Variants in M1AP observed in about 807,000 individuals in gnomAD.
M1AP encodes meiosis 1 associated protein.
In M1AP, 39 loss-of-function variants were observed where a neutral mutation model predicts 51.2. The observed-to-expected ratio is 0.76, with a 90% CI of 0.59 to 1.00. The LOEUF (loss-of-function observed/expected upper bound fraction) is 1.00. Among genes scored for constraint, M1AP ranks in the 50% least tolerant of loss-of-function variants. The probability of loss-of-function intolerance (pLI) is 0.00; values close to 1 mark genes in which losing one functional copy is unlikely to be tolerated. For missense variants in M1AP, 545 were observed against 641.2 expected (o/e 0.85, Z 1.62); for synonymous variants, 251 against 249.2 (o/e 1.01, Z -0.07).
rs982353376 is a variant in M1AP, at chr2:74,560,059, T to C, written c.1422+92A>G. 6.0e-5 allele frequency: 81 copies of C among 1,338,942 alleles called. No individual in the cohort carries two copies. In the African/African-American group the frequency reaches 1.2e-3, roughly 19 times the overall value. 82.9% of individuals were successfully genotyped at this position (1,338,942 alleles called of 1,614,324 possible). A position where few individuals can be genotyped will look rare whatever the true frequency, so the allele number is the denominator to read the frequency against. On this transcript the variant is annotated intron_variant, in intron 9 of 10. Transcript: ENST00000421985. ...AGGCTACTCCCTTGGATGGGGGCGG[T>C]GTTGGGATGGGGGAGGAGGGTTTTC... is the stretch of plus-strand genomic sequence containing the variant.
At chr2:74,625,804 A>G (rs1462009872) in intron 2 of M1AP, among the ~76,000 whole-genome samples, 1 of 152,202 alleles carries the variant, frequency 6.6e-6, no homozygotes, top group African/African-American at 2.4e-5. Context: ...TTCAACATGG[A>G]CACCATATGA....
intron 2 of M1AP, chr2:74,619,205 C>A: frequency 5.0e-6 from 1 of 200,678 alleles, no homozygotes; most frequent in South Asian, 7.7e-5. Context: ...GTTATGAGGT[C>A]CCTGTCTATG....
chr2:74,558,868 G>A lies in M1AP; in HGVS notation c.1441C>T (p.Gln481Ter), dbSNP rs963329697. ...APRKHPCKTG[Q>*]LQTNRARATV... ...GCTCGAGCTCGGTTGGTCTGCAACT[G>A]CCCAGTCTGCAAAGAGAGCAACCAG... The change falls in exon 11 of 11, where the codon CAG becomes TAG. Residue 481 changes from glutamine (Q) to a stop codon, truncating the protein, a stop_gained. Transcript: ENST00000421985. LOFTEE classifies it low-confidence loss of function (END_TRUNC). 2 of 1,589,098 alleles carry A rather than the reference G, an allele frequency of 1.3e-6. No homozygotes were observed. The highest frequency in any genetic ancestry group is 2.3e-5 in the East Asian group (1 of 43,584).
chr2:74,580,544 G>T (rs547816808), intron 5 of M1AP, among the ~76,000 whole-genome samples: 1 of 152,304 alleles, frequency 6.6e-6, no homozygotes, highest in African/African-American at 2.4e-5. Flanking sequence ...AAGGGTCTTG[G>T]GAAGCCTTAA....
At chr2:74,619,653 T>A (rs1008091358) in intron 2 of M1AP, among the ~76,000 whole-genome samples, 1 of 152,232 alleles carries the variant, frequency 6.6e-6, no homozygotes, top group Non-Finnish European at 1.5e-5. Context: ...GTGACTTTTT[T>A]AAAGGTATAA....
At chr2:74,648,017 C>G (rs1340784532) in intron 1 of M1AP, 1 of 985,438 alleles carries the variant, frequency 1.0e-6, no homozygotes, top group African/African-American at 1.7e-5. Flanking sequence ...CTGGGGGCCC[C>G]GCGGAGGAAG....
At chr2:74,614,042 C>T (rs1681522625) in intron 3 of M1AP, among the ~76,000 whole-genome samples, 2 of 152,176 alleles carry the variant, frequency 1.3e-5, no homozygotes, top group African/African-American at 4.8e-5. Context: ...CCTGCCTTGG[C>T]CTCTCAAAGT....
chr2:74,636,037 T>C (rs1447610731), intron 2 of M1AP, among the ~76,000 whole-genome samples: 1 of 152,114 alleles, frequency 6.6e-6, no homozygotes, highest in African/African-American at 2.4e-5. Context: ...TGATGTTCTA[T>C]AATTGTTGAG....
At chr2:74,558,989 AG>A (rs1677710122) in intron 10 of M1AP, 115 bp from the exon 11 acceptor site, 2 of 1,026,546 alleles carry the variant, frequency 1.9e-6, no homozygotes, top group Non-Finnish European at 2.7e-6. Context: ...CTGGAGTGAC[AG>A]CCTCAAGGCC....
Position 74,635,634 on chromosome 2 carries a change from G to A in M1AP, c.240+4402C>T, listed in dbSNP as rs369459334. ...TGCCATAAATTTCCTTCTCAGCACTGCTTTACCTGCATCCCACAAATTTTG... is the reference window on the plus strand; with the variant it reads ...TGCCATAAATTTCCTTCTCAGCACTACTTTACCTGCATCCCACAAATTTTG... On this transcript the variant is annotated intron_variant, in intron 2 of 10. Transcript: ENST00000421985. Among the ~76,000 whole-genome samples the A allele has an allele frequency of 1.3e-3, 195 of 152,086 alleles. 2 individuals carry two copies. The highest frequency in any genetic ancestry group is 4.5e-3 in the African/African-American group (188 of 41,516).
At chr2:74,567,527 T>C (rs920401751) in intron 7 of M1AP, among the ~76,000 whole-genome samples, 3 of 152,238 alleles carry the variant, frequency 2.0e-5, no homozygotes, top group African/African-American at 7.2e-5. Flanking sequence ...TCCTCATCTG[T>C]AAAACAGGGA....
intron 4 of M1AP, among the ~76,000 whole-genome samples, chr2:74,606,537 GTGT>G (rs200834400): frequency 0.01 from 1,555 of 152,172 alleles, 17 homozygotes; most frequent in Non-Finnish European, 0.016. Flanking sequence ...AGTTGTGTAT[GTGT>G]ATATATGTAT....
intron 2 of M1AP, among the ~76,000 whole-genome samples, chr2:74,639,405 T>G (rs1558700347): frequency 1.3e-5 from 2 of 152,172 alleles, no homozygotes; most frequent in Non-Finnish European, 2.9e-5. Context: ...TCACTATGAT[T>G]CTGAATTTTA....
intron 4 of M1AP, among the ~76,000 whole-genome samples, chr2:74,594,911 C>T (rs894354145): frequency 2.0e-5 from 3 of 152,030 alleles, no homozygotes; most frequent in Admixed American, 2.0e-4. Flanking sequence ...TTCAGATTCA[C>T]GAGGTTCAGG....
At chr2:74,559,021 C>T (rs1020507195) in intron 10 of M1AP, 147 bp from the exon 11 acceptor site, 8 of 752,382 alleles carry the variant, frequency 1.1e-5, no homozygotes, top group Non-Finnish European at 1.6e-5. Context: ...ATCTGGAGTC[C>T]CTTAAGCCCA....
intron 4 of M1AP, among the ~76,000 whole-genome samples, chr2:74,600,898 TA>T (rs535940638): frequency 8.2e-4 from 125 of 152,282 alleles, no homozygotes; most frequent in African/African-American, 2.8e-3. Flanking sequence ...ATATTCTTAA[TA>T]AATACGAATT....
intron 1 of M1AP, among the ~76,000 whole-genome samples, chr2:74,647,663 G>A (rs1368933277): frequency 6.6e-6 from 1 of 152,182 alleles, no homozygotes; most frequent in Non-Finnish European, 1.5e-5. Flanking sequence ...GGAGGCCGAG[G>A]CGGGCGGATC....
At chr2:74,635,266 T>C (rs894791638) in intron 2 of M1AP, among the ~76,000 whole-genome samples, 1 of 152,112 alleles carries the variant, frequency 6.6e-6, no homozygotes, top group African/African-American at 2.4e-5. Flanking sequence ...GATTTACGTA[T>C]GTAAAGGTAT....
chr2:74,626,658 T>C (rs1046847883), intron 2 of M1AP, among the ~76,000 whole-genome samples: 3 of 152,218 alleles, frequency 2.0e-5, no homozygotes, highest in African/African-American at 7.2e-5. Context: ...AGTACTTGTA[T>C]AGTTTATTTT....
Sources: allele counts gnomAD v4.1 joint callset (sites outside exome capture counted in the v4.1 genomes callset), GRCh38; gene constraint gnomAD v4.1.1; transcripts MANE v1.5; gene names NCBI Gene and HGNC (gene_info 2026-07-23, HGNC 2026-07-21).